NOP58: variants seen among roughly 807,000 people sequenced by gnomAD.
The protein encoded by NOP58 is nucleolar protein 58.
A neutral mutation model predicts 71.2 loss-of-function variants in NOP58; 44 were observed. The ratio of observed to expected loss-of-function variants is 0.62; its 90% CI spans 0.49 to 0.79. The LOEUF is 0.79. Among genes scored for constraint, NOP58 ranks in the 30% least tolerant of loss-of-function variants. The pLI is 0.00. For missense variants in NOP58, 538 were observed against 620.2 expected (o/e 0.87, Z 1.41); for synonymous variants, 228 against 200.3 (o/e 1.14, Z -1.17).
chr2:202,288,638 AC>A (rs879534876), intron 6 of NOP58, among the ~76,000 whole-genome samples: 51 of 151,726 alleles, frequency 3.4e-4, no homozygotes, highest in African/African-American at 8.5e-4. Flanking sequence ...ACATGGTGAA[AC>A]CCGATCTTTA....
At chr2:202,303,358 T>G (rs1574392169) in intron 14 of NOP58, 28 bp from the exon 15 acceptor site, 3 of 1,610,638 alleles carry the variant, frequency 1.9e-6, no homozygotes, top group Non-Finnish European at 2.5e-6. Context: ...TTCAGCTCTT[T>G]CAAAGCATTC....
chr2:202,300,811 C>T (rs6753156), intron 13 of NOP58, among the ~76,000 whole-genome samples: 50,501 of 151,984 alleles, frequency 0.33, 9,711 homozygotes, highest in African/African-American at 0.53. Flanking sequence ...CAATATCTAA[C>T]AGGTGCTCAC....
chr2:202,285,489 G>A (rs1048346242), intron 5 of NOP58, among the ~76,000 whole-genome samples: 6 of 151,478 alleles, frequency 4.0e-5, no homozygotes, highest in Non-Finnish European at 8.8e-5. Context: ...GGGACTGCAA[G>A]TGTGCGCCAC....
intron 1 of NOP58, among the ~76,000 whole-genome samples, chr2:202,268,823 G>A (rs1009393902): frequency 1.3e-5 from 2 of 151,738 alleles, no homozygotes; most frequent in African/African-American, 4.8e-5. Flanking sequence ...GTTGAGGCTG[G>A]TCTCGAACTC....
rs184956697 is a variant in NOP58 at position 202,265,798 on chromosome 2, T to A, written c.-144T>A. On this transcript the variant is annotated 5_prime_UTR_variant, in exon 1 of 15. Transcript: ENST00000264279. ...TACAGCGTGGAGGGTTTAGGCAGCG[T>A]GTTCTGATTCTTTGCGGGACGGCGA... 2.0e-5 allele frequency: 16 copies of A among 806,454 alleles called. No homozygotes were observed. The highest frequency in any genetic ancestry group is 2.5e-4 in the Middle Eastern group (1 of 3,974). The allele number at this position is 806,454 out of a possible 1,614,324, so 50.0% of individuals were successfully genotyped here. A position where few individuals can be genotyped will look rare whatever the true frequency, so the allele number is the denominator to read the frequency against.
Position 202,303,397 on chromosome 2 carries a change from A to AAAGAAG in NOP58, c.1554_1559dup (p.Lys523_Lys524dup). On this transcript the variant is annotated inframe_insertion, in exon 15 of 15. Coordinates refer to ENST00000264279, the MANE Select transcript of NOP58 (RefSeq NM_015934.5). ...TTGGCTATTTTCAGAGTCCAGAGAA[A>AAAGAAG]AAGAAGAAAAAGAAAAAAAAGAGAG... The AAAGAAG allele has an allele frequency of 6.2e-7, 1 of 1,612,904 alleles. No homozygotes were observed. Among genetic ancestry groups the AAAGAAG allele is most frequent in the Non-Finnish European group, 8.5e-7 (1 of 1,179,312 alleles).
chr2:202,289,880 T>G (rs1011957764), intron 6 of NOP58, among the ~76,000 whole-genome samples: 2 of 152,190 alleles, frequency 1.3e-5, no homozygotes, highest in Non-Finnish European at 2.9e-5. Flanking sequence ...TGGTAATGGT[T>G]GCATAACATC....
At chr2:202,281,876 G>A (rs1055291885) in intron 3 of NOP58, among the ~76,000 whole-genome samples, 1 of 152,194 alleles carries the variant, frequency 6.6e-6, no homozygotes, top group Non-Finnish European at 1.5e-5. Flanking sequence ...TACATTGCTG[G>A]AGGTGTACAA....
rs1559269139 is a variant in NOP58 at position 202,303,378 on chromosome 2, A to G, written c.1540-8A>G. ...CTCTTTCAAAGCATTCTTGTTGGCT[A>G]TTTTCAGAGTCCAGAGAAAAAGAAG... On this transcript the variant is annotated splice_polypyrimidine_tract_variant and splice_region_variant and intron_variant, in intron 14 of 14. Transcript: ENST00000264279. 2 of 1,612,550 alleles carry G rather than the reference A, an allele frequency of 1.2e-6. No individual in the cohort carries two copies. The highest frequency in any genetic ancestry group is 1.7e-6 in the Non-Finnish European group (2 of 1,179,286).
At chr2:202,276,480 T>C (rs1432126152) in intron 2 of NOP58, 1 of 516,360 alleles carries the variant, frequency 1.9e-6, no homozygotes, top group Non-Finnish European at 3.9e-6. Flanking sequence ...CTAAGTGATC[T>C]GACTCAATAT....
intron 1 of NOP58, among the ~76,000 whole-genome samples, chr2:202,266,600 G>C (rs2105833259): frequency 6.6e-6 from 1 of 152,302 alleles, no homozygotes; most frequent in African/African-American, 2.4e-5. Flanking sequence ...ACAGGCGTGA[G>C]CCACCGTGCT....
At chr2:202,301,631 A>C (rs1474970335) in intron 13 of NOP58, among the ~76,000 whole-genome samples, 1 of 152,154 alleles carries the variant, frequency 6.6e-6, no homozygotes, top group Non-Finnish European at 1.5e-5. Flanking sequence ...CTAGCTTTTT[A>C]AATCTAAATT....
chr2:202,272,149 AT>A (rs570916461), intron 1 of NOP58, among the ~76,000 whole-genome samples: 11,025 of 110,766 alleles, frequency 0.1, 375 homozygotes, highest in South Asian at 0.2. Flanking sequence ...CTGATGTATA[AT>A]TTTTTTTTTT....
At chr2:202,299,571 TA>T (rs933085563) in intron 12 of NOP58, among the ~76,000 whole-genome samples, 2 of 152,194 alleles carry the variant, frequency 1.3e-5, no homozygotes, top group African/African-American at 2.4e-5. Flanking sequence ...CAGGTCTGCT[TA>T]AAAAACAGAA....
intron 1 of NOP58, among the ~76,000 whole-genome samples, chr2:202,272,527 C>T (rs1328201381): frequency 6.6e-6 from 1 of 152,102 alleles, no homozygotes; most frequent in Non-Finnish European, 1.5e-5. Flanking sequence ...AACTTAGAGT[C>T]ACACAAAGCA....
At chr2:202,272,337 T>G (rs1423241919) in intron 1 of NOP58, among the ~76,000 whole-genome samples, 1 of 151,880 alleles carries the variant, frequency 6.6e-6, no homozygotes, top group Non-Finnish European at 1.5e-5. Context: ...GTATTTTTAG[T>G]TAGAGGCGGG....
chr2:202,285,560 G>A (rs1196706624), intron 5 of NOP58, among the ~76,000 whole-genome samples: 3 of 150,726 alleles, frequency 2.0e-5, no homozygotes, highest in African/African-American at 7.3e-5. Flanking sequence ...TGCCCAGGCT[G>A]GAACTCCCAG....
chr2:202,269,129 G>A (rs1290956094), intron 1 of NOP58, among the ~76,000 whole-genome samples: 2 of 151,826 alleles, frequency 1.3e-5, no homozygotes, highest in Non-Finnish European at 2.9e-5. Context: ...GGGACTACAG[G>A]CTCAAGCCAC....
At chr2:202,286,285 A>T (rs1395798613) in intron 5 of NOP58, among the ~76,000 whole-genome samples, 2 of 151,742 alleles carry the variant, frequency 1.3e-5, no homozygotes, top group African/African-American at 2.4e-5. Context: ...CAGGTGAATC[A>T]TGAGGTCAGG....
Sources: gnomAD v4.1 joint callset for allele counts (sites outside exome capture counted in the v4.1 genomes callset) on GRCh38, gnomAD v4.1.1 for gene constraint, MANE v1.5 for transcripts, NCBI Gene and HGNC (gene_info 2026-07-23, HGNC 2026-07-21) for gene names.